SMYD3: variants seen among roughly 807,000 people sequenced by gnomAD.
SMYD3 encodes the protein histone-lysine N-methyltransferase SMYD3.
A neutral mutation model predicts 57.7 loss-of-function variants in SMYD3; 36 were observed. That is an observed-to-expected ratio of 0.62 (90% CI 0.48 to 0.82). The LOEUF is 0.82. Ranked by LOEUF, SMYD3 falls within the 40% of genes least tolerant of loss-of-function variation. SMYD3 has a pLI of 0.00. For missense variants in SMYD3, 515 were observed against 538.8 expected (o/e 0.96, Z 0.44); for synonymous variants, 211 against 195.0 (o/e 1.08, Z -0.68).
chr1:246,328,912 T>C (rs985495587), intron 4 of SMYD3, among the ~76,000 whole-genome samples: 1 of 150,486 alleles, frequency 6.6e-6, no homozygotes, highest in African/African-American at 2.4e-5. Flanking sequence ...CATTGTTCAA[T>C]TCCCACCTAC....
intron 5 of SMYD3, chr1:246,321,693 T>C (rs150009349): frequency 1.3e-5 from 2 of 152,170 alleles, no homozygotes; most frequent in Non-Finnish European, 2.9e-5. Flanking sequence ...ACATTTTCTA[T>C]ATTTGTAGCA....
In SMYD3 at chr1:246,295,849, T is replaced by C. The variant is rs1322107701; in HGVS notation, c.531+31352A>G. ...CGTTAAACAATTGAGATGACAGGCA[T>C]GGGACAAGAAAGTCAAAATTCATCA... On this transcript the variant is annotated intron_variant, in intron 5 of 11. Transcript: ENST00000490107. Among the ~76,000 whole-genome samples, 4 of 152,276 alleles carry C rather than the reference T, an allele frequency of 2.6e-5. No individual in the cohort carries two copies. The South Asian group carries it at 6.2e-4, about 24-fold the overall frequency.
intron 5 of SMYD3, among the ~76,000 whole-genome samples, chr1:246,010,268 A>G (rs1311339222): frequency 6.6e-6 from 1 of 152,014 alleles, no homozygotes; most frequent in Non-Finnish European, 1.5e-5. Context: ...ATTCAATCAC[A>G]GCAGGATAAA....
At chr1:246,290,537 C>T (rs928741262) in intron 5 of SMYD3, among the ~76,000 whole-genome samples, 13 of 152,276 alleles carry the variant, frequency 8.5e-5, no homozygotes, top group Admixed American at 6.5e-5. Flanking sequence ...GCTTAACTTT[C>T]GAGTGTGAGA....
intron 2 of SMYD3, 140 bp from the exon 3 acceptor site, chr1:246,335,614 C>G (rs942310926): frequency 1.5e-6 from 1 of 669,954 alleles, no homozygotes; most frequent in African/African-American, 1.8e-5. Context: ...AAGCAATATT[C>G]TAAATCTGAA....
chr1:246,092,271 G>A (rs2060836291), intron 5 of SMYD3, among the ~76,000 whole-genome samples: 1 of 152,106 alleles, frequency 6.6e-6, no homozygotes, highest in Non-Finnish European at 1.5e-5. Context: ...TACATGCACA[G>A]TGCAAATTTA....
intron 5 of SMYD3, among the ~76,000 whole-genome samples, chr1:246,264,870 T>C (rs1242705828): frequency 6.6e-6 from 1 of 152,240 alleles, no homozygotes; most frequent in African/African-American, 2.4e-5. Flanking sequence ...CTAAACACTT[T>C]ACATGGACTT....
intron 5 of SMYD3, among the ~76,000 whole-genome samples, chr1:246,280,040 T>C (rs1224480182): frequency 2.0e-5 from 3 of 152,176 alleles, no homozygotes; most frequent in Non-Finnish European, 4.4e-5. Flanking sequence ...GTCTTATAAA[T>C]GTGAATGCCA....
intron 5 of SMYD3, among the ~76,000 whole-genome samples, chr1:246,251,344 CAG>C: frequency 6.6e-6 from 1 of 152,228 alleles, no homozygotes; most frequent in East Asian, 1.9e-4. Context: ...ACACCTTCCA[CAG>C]AGTGTTATTT....
chr1:245,753,449 G>C (rs147646190), intron 11 of SMYD3, among the ~76,000 whole-genome samples: 2 of 152,326 alleles, frequency 1.3e-5, no homozygotes, highest in East Asian at 3.9e-4. Context: ...ATGTGTGCGT[G>C]GATGAATGGT....
chr1:246,462,269 GGGCCTGCTGGGT>G (rs2067811644), intron 1 of SMYD3, among the ~76,000 whole-genome samples: 1 of 18,532 alleles, frequency 5.4e-5, no homozygotes, highest in Non-Finnish European at 1.3e-4. Flanking sequence ...TCCTCCCGCG[GGGCCTGCTGGGT>G]ACAGTGCATC....
At chr1:245,830,063 T>C (rs969658552) in intron 10 of SMYD3, among the ~76,000 whole-genome samples, 6 of 152,296 alleles carry the variant, frequency 3.9e-5, no homozygotes, top group South Asian at 2.1e-4. Context: ...TCTGTAAATA[T>C]GCTAAAAGCC....
intron 5 of SMYD3, among the ~76,000 whole-genome samples, chr1:246,215,601 C>G (rs931252634): frequency 3.3e-5 from 5 of 152,134 alleles, no homozygotes; most frequent in Admixed American, 6.5e-5. Context: ...TCTGCCTTCT[C>G]CCACAGAGTA....
chr1:245,941,229 T>C (rs55974833), intron 5 of SMYD3, among the ~76,000 whole-genome samples: 18,377 of 151,638 alleles, frequency 0.12, 1,512 homozygotes, highest in African/African-American at 0.22. Flanking sequence ...CAAAACCGAG[T>C]TGGAAAACAT....
At chr1:246,326,589 C>CAA (rs201449535) in intron 5 of SMYD3, among the ~76,000 whole-genome samples, 1 of 84,986 alleles carries the variant, frequency 1.2e-5, no homozygotes. Context: ...TCCGTCTCTA[C>CAA]AAAAACAAAA....
In SMYD3 at chr1:246,210,452, G is replaced by C. The variant is rs922000031; in HGVS notation, c.531+116749C>G. On this transcript the variant is annotated intron_variant, in intron 5 of 11. Transcript: ENST00000490107. The stretch of plus-strand genomic sequence containing the variant: ...TAGGAATTCTGATTCCTTTAGAATT[G>C]GCTCTACAGCACTTTGGGAGGCCGA... Among the ~76,000 whole-genome samples, 7 of 152,256 alleles carry C rather than the reference G, an allele frequency of 4.6e-5. No individual in the cohort carries two copies. In the South Asian group the frequency reaches 1.0e-3, roughly 23 times the overall value.
intron 5 of SMYD3, among the ~76,000 whole-genome samples, chr1:246,221,329 T>A (rs915470858): frequency 5.9e-5 from 9 of 152,118 alleles, no homozygotes; most frequent in Non-Finnish European, 4.4e-5. Context: ...CTGCTCACCC[T>A]CCACATTGCA....
At chr1:245,838,993 T>C (rs887589150) in intron 10 of SMYD3, among the ~76,000 whole-genome samples, 1 of 152,096 alleles carries the variant, frequency 6.6e-6, no homozygotes, top group Non-Finnish European at 1.5e-5. Flanking sequence ...AATGGCTTGA[T>C]TGCTCGTCTG....
At chr1:246,366,711 G>A (rs969263078) in intron 1 of SMYD3, among the ~76,000 whole-genome samples, 5 of 151,976 alleles carry the variant, frequency 3.3e-5, no homozygotes, top group African/African-American at 9.6e-5. Context: ...TGAGGTGGGC[G>A]GATCACGAGG....
Sources: gnomAD v4.1 joint callset for allele counts (sites outside exome capture counted in the v4.1 genomes callset) on GRCh38, gnomAD v4.1.1 for gene constraint, MANE v1.5 for transcripts, NCBI Gene and HGNC (gene_info 2026-07-23, HGNC 2026-07-21) for gene names.